CRTC3: variants seen among roughly 807,000 people sequenced by gnomAD.
CRTC3 encodes the protein CREB regulated transcription coactivator 3, also known as CREB-regulated transcription coactivator 3.
Under a neutral mutation model 74.5 loss-of-function variants are expected in CRTC3, and 26 were observed. The ratio of observed to expected loss-of-function variants is 0.35; its 90% CI spans 0.26 to 0.48. The LOEUF (loss-of-function observed/expected upper bound fraction) is 0.48. Ranked by LOEUF, CRTC3 falls within the 20% of genes least tolerant of loss-of-function variation. The pLI is 0.99. For synonymous variants in CRTC3, 377 were observed against 325.8 expected (o/e 1.16, Z -1.69); for missense variants, 760 against 787.3 (o/e 0.97, Z 0.41).
intron 6 of CRTC3, among the ~76,000 whole-genome samples, chr15:90,611,239 A>G (rs10520692): frequency 0.66 from 100,685 of 151,882 alleles, 33,950 homozygotes; most frequent in South Asian, 0.78. Context: ...CTTCCCTTCT[A>G]CTTAGCAAAT....
chr15:90,625,899 C>T lies in CRTC3; in HGVS notation c.873C>T (p.Asp291=). Residue 291 remains aspartate (D), a synonymous_variant, in exon 10 of 15, where the codon GAC becomes GAT. Transcript: ENST00000268184. ...HYSTPLPASL[D]TTDHHFGSMS... is the part of the protein sequence containing the mutation. Reference sequence around the variant, plus strand: ...CGACACCCCTGCCAGCCTCCCTGGACACCACCGACCACCACTTTGGCAGTA... The same window carrying T: ...CGACACCCCTGCCAGCCTCCCTGGATACCACCGACCACCACTTTGGCAGTA... 3 of 1,614,220 alleles carry T rather than the reference C, an allele frequency of 1.9e-6. No individual in the cohort carries two copies. Among genetic ancestry groups the T allele is most frequent in the East Asian group, 2.2e-5 (1 of 44,888 alleles).
chr15:90,578,648 T>C (rs1477637816), intron 2 of CRTC3, among the ~76,000 whole-genome samples: 1 of 152,188 alleles, frequency 6.6e-6, no homozygotes, highest in East Asian at 1.9e-4. Context: ...TAATATGTAT[T>C]CTTATTTGCT....
chr15:90,608,851 C>T (rs1968293361), intron 6 of CRTC3, among the ~76,000 whole-genome samples: 1 of 152,218 alleles, frequency 6.6e-6, no homozygotes, highest in African/African-American at 2.4e-5. Context: ...CATTCAGACA[C>T]ATTTCAAGCC....
At position 90,540,102 on chromosome 15, in the gene CRTC3, G is replaced by A. The variant is rs750942610; in HGVS notation, c.196G>A (p.Val66Met). The A allele has an allele frequency of 6.2e-7, 1 of 1,613,408 alleles. No individual in the cohort carries two copies. The highest frequency in any genetic ancestry group is 1.1e-5 in the South Asian group (1 of 90,912). Residue 66 changes from valine to methionine, a missense_variant, in exon 2 of 15, where the codon GTG (valine) becomes ATG (methionine). Transcript: ENST00000268184. Reference protein sequence around the residue: ...TQYHGGSLPNVSQLRSSASEF... With the variant: ...TQYHGGSLPNMSQLRSSASEF... The stretch of plus-strand genomic sequence containing the variant: ...GTACCATGGAGGATCCTTACCAAAT[G>A]TGAGCCAGCTGCGGAGCAGTGCGTC...
chr15:90,587,664 A>C (rs965136754), intron 2 of CRTC3, among the ~76,000 whole-genome samples: 9 of 152,080 alleles, frequency 5.9e-5, no homozygotes, highest in Non-Finnish European at 1.3e-4. Flanking sequence ...CCCAGTCTGG[A>C]GTGTAGTGGC....
In CRTC3 at chr15:90,640,120, G is replaced by T. The variant is rs1567198840; in HGVS notation, c.1549-977G>T. ...GTTTCCTAAGCAGGCCACAGATGAAGCTTTGTGGCAAGAACCAATCCTCCT... is the reference window on the plus strand; with the variant it reads ...GTTTCCTAAGCAGGCCACAGATGAATCTTTGTGGCAAGAACCAATCCTCCT... On this transcript the variant is annotated intron_variant, in intron 13 of 14. Transcript: ENST00000268184. Among the ~76,000 whole-genome samples the T allele has an allele frequency of 2.6e-5, 4 of 152,244 alleles. No individual in the cohort carries two copies. In the South Asian group the frequency reaches 8.3e-4, roughly 32 times the overall value.
chr15:90,606,879 A>G (rs7176303), intron 5 of CRTC3: 35,173 of 152,334 alleles, frequency 0.23, 4,293 homozygotes, highest in African/African-American at 0.29. Context: ...CGTGCTTGGG[A>G]GAGAGCGAGA....
chr15:90,590,711 T>C (rs1368419818), intron 2 of CRTC3, among the ~76,000 whole-genome samples: 1 of 152,220 alleles, frequency 6.6e-6, no homozygotes, highest in African/African-American at 2.4e-5. Flanking sequence ...GCCACTCTAA[T>C]TCATTTGATG....
intron 2 of CRTC3, among the ~76,000 whole-genome samples, chr15:90,558,975 C>A (rs1469418623): frequency 6.6e-6 from 1 of 152,054 alleles, no homozygotes; most frequent in African/African-American, 2.4e-5. Flanking sequence ...TGGTCTCGAT[C>A]TCCTGGCCTC....
Position 90,644,848 on chromosome 15 carries a change from C to G in CRTC3, c.*2708C>G, listed in dbSNP as rs1472607511. On this transcript the variant is annotated 3_prime_UTR_variant, in exon 15 of 15. Transcript: ENST00000268184. ...TATTTTTCATTATTTAGTTTTGTCA[C>G]AAGAAATCGACCATTGTACTACTCT... The G allele has an allele frequency of 4.3e-6, 1 of 232,234 alleles. No individual in the cohort carries two copies. Among genetic ancestry groups the G allele is most frequent in the Non-Finnish European group, 8.5e-6 (1 of 117,474 alleles). The allele number at this position is 232,234 out of a possible 1,614,324, so 14.4% of individuals were successfully genotyped here.
rs1206009188 is a variant in CRTC3, at chr15:90,630,967, C to T, written c.1266+1435C>T. ...TAATTTTTTGTATTTTTAGTAGAGA[C>T]GGGGTTTCACCTTGTTAGCCAGGAT... On this transcript the variant is annotated intron_variant, in intron 11 of 14. Coordinates refer to ENST00000268184, the MANE Select transcript of CRTC3 (RefSeq NM_022769.5). 8.3e-4 allele frequency among the ~76,000 whole-genome samples: 27 copies of T among 32,422 alleles called. 9 individuals are homozygous for T. Among genetic ancestry groups the T allele is most frequent in the Admixed American group, 7.0e-3 (25 of 3,570 alleles). The allele number at this position is 32,422 out of a possible 152,430, so 21.3% of individuals were successfully genotyped here.
At chr15:90,585,464 T>A (rs919322170) in intron 2 of CRTC3, among the ~76,000 whole-genome samples, 40 of 151,866 alleles carry the variant, frequency 2.6e-4, no homozygotes, top group Admixed American at 1.7e-3. Flanking sequence ...CCTTAATATT[T>A]TTTTTTTTAA....
chr15:90,533,444 A>G (rs1479175457), intron 1 of CRTC3, among the ~76,000 whole-genome samples: 1 of 149,880 alleles, frequency 6.7e-6, no homozygotes, highest in African/African-American at 2.4e-5. Flanking sequence ...AAAAGGGAAG[A>G]AAGTGGTTGC....
rs1969535539 is a variant in CRTC3, at chr15:90,643,803, C to A, written c.*1663C>A. On this transcript the variant is annotated 3_prime_UTR_variant, in exon 15 of 15. Transcript: ENST00000268184. ...GAAGGAGAGACGGAAGATGCCAGGACCTTTGCTTGGACAGCCATTGCCCTT... is the reference window on the plus strand; with the variant it reads ...GAAGGAGAGACGGAAGATGCCAGGAACTTTGCTTGGACAGCCATTGCCCTT... 4.3e-6 allele frequency: 1 copy of A among 232,566 alleles called. No homozygotes were observed. Among genetic ancestry groups the A allele is most frequent in the East Asian group, 6.1e-5 (1 of 16,476 alleles). 14.4% of individuals were successfully genotyped at this position (232,566 alleles called of 1,614,324 possible). A position where few individuals can be genotyped will look rare whatever the true frequency, so the allele number is the denominator to read the frequency against.
At chr15:90,623,373 A>G (rs1341849089) in intron 9 of CRTC3, among the ~76,000 whole-genome samples, 1 of 152,108 alleles carries the variant, frequency 6.6e-6, no homozygotes, top group Non-Finnish European at 1.5e-5. Context: ...ATGTCTTCCT[A>G]GTGAGCAGAA....
intron 2 of CRTC3, among the ~76,000 whole-genome samples, chr15:90,575,202 T>G (rs1414924881): frequency 6.6e-6 from 1 of 152,022 alleles, no homozygotes; most frequent in East Asian, 1.9e-4. Flanking sequence ...AATATAAAAA[T>G]TAGATGGGCG....
intron 10 of CRTC3, among the ~76,000 whole-genome samples, chr15:90,628,773 C>T (rs952903231): frequency 6.6e-6 from 1 of 151,944 alleles, no homozygotes; most frequent in Non-Finnish European, 1.5e-5. Flanking sequence ...TAAAGACCAC[C>T]AAGACAGCTC....
At chr15:90,611,186 A>C (rs1251428450) in intron 6 of CRTC3, among the ~76,000 whole-genome samples, 1 of 152,134 alleles carries the variant, frequency 6.6e-6, no homozygotes, top group African/African-American at 2.4e-5. Context: ...CTGAAACACC[A>C]GAGGCCTCCT....
At chr15:90,552,626 C>T (rs887187016) in intron 2 of CRTC3, among the ~76,000 whole-genome samples, 1 of 152,164 alleles carries the variant, frequency 6.6e-6, no homozygotes, top group African/African-American at 2.4e-5. Flanking sequence ...GGTTCTGCCA[C>T]TCTTTTAATC....
Sources: gnomAD v4.1 joint callset for allele counts (sites outside exome capture counted in the v4.1 genomes callset) on GRCh38, gnomAD v4.1.1 for gene constraint, MANE v1.5 for transcripts, NCBI Gene and HGNC (gene_info 2026-07-23, HGNC 2026-07-21) for gene names.